CADM2: variants seen among roughly 807,000 people sequenced by gnomAD.
The protein encoded by CADM2 is cell adhesion molecule 2.
In CADM2, 12 loss-of-function variants were observed where a neutral mutation model predicts 49.8. That is an observed-to-expected ratio of 0.24 (90% confidence interval 0.15 to 0.39). The LOEUF (loss-of-function observed/expected upper bound fraction) is 0.39, where lower values mean the gene tolerates loss of function less well. Ranked by LOEUF, CADM2 falls within the 10% of genes least tolerant of loss-of-function variation. CADM2 has a pLI of 1.00. For missense variants in CADM2, 378 were observed against 492.3 expected (o/e 0.77, Z 2.20); for synonymous variants, 214 against 175.4 (o/e 1.22, Z -1.74).
intron 1 of CADM2, among the ~76,000 whole-genome samples, chr3:85,370,979 C>A (rs927432609): frequency 1.4e-5 from 2 of 147,920 alleles, no homozygotes; most frequent in African/African-American, 5.0e-5. Context: ...TAGAAATAAG[C>A]TTACAGAATA....
chr3:85,062,068 TCTCA>T (rs2036347502), intron 1 of CADM2, among the ~76,000 whole-genome samples: 1 of 151,596 alleles, frequency 6.6e-6, no homozygotes, highest in Non-Finnish European at 1.5e-5. Context: ...TCTGTCTCTC[TCTCA>T]CTCATACACA....
At chr3:85,876,682 A>G (rs940935618) in intron 3 of CADM2, among the ~76,000 whole-genome samples, 1 of 152,182 alleles carries the variant, frequency 6.6e-6, no homozygotes, top group East Asian at 1.9e-4. Context: ...AGCAAGGAGT[A>G]TGTGATCACC....
chr3:85,055,622 T>C (rs762217938), intron 1 of CADM2, among the ~76,000 whole-genome samples: 9 of 152,092 alleles, frequency 5.9e-5, no homozygotes, highest in Non-Finnish European at 1.0e-4. Flanking sequence ...TCACTGGTTG[T>C]CCTCTGCAGC....
At chr3:85,070,549 T>C (rs1395022174) in intron 1 of CADM2, among the ~76,000 whole-genome samples, 1 of 151,036 alleles carries the variant, frequency 6.6e-6, no homozygotes, top group Non-Finnish European at 1.5e-5. Context: ...TTTATTTCTA[T>C]GTGTGTAGAA....
chr3:85,999,271 T>TGCG (rs1729835872), intron 8 of CADM2, among the ~76,000 whole-genome samples: 2 of 143,236 alleles, frequency 1.4e-5, no homozygotes, highest in Admixed American at 1.4e-4. Context: ...GGCCGAGGGT[T>TGCG]GGGGGGTGGA....
chr3:85,268,464 C>A (rs2043168076), intron 1 of CADM2, among the ~76,000 whole-genome samples: 1 of 151,220 alleles, frequency 6.6e-6, no homozygotes, highest in Non-Finnish European at 1.5e-5. Context: ...TAATTCCTGA[C>A]AATCAGGAGG....
intron 8 of CADM2, among the ~76,000 whole-genome samples, chr3:86,036,344 G>T (rs188617420): frequency 6.6e-6 from 1 of 151,978 alleles, no homozygotes; most frequent in South Asian, 2.1e-4. Context: ...AATAACTTTT[G>T]CAGGAACTTG....
intron 1 of CADM2, among the ~76,000 whole-genome samples, chr3:85,307,972 A>C (rs977242374): frequency 6.6e-6 from 1 of 151,524 alleles, no homozygotes; most frequent in Non-Finnish European, 1.5e-5. Context: ...AATTTTTAAA[A>C]AAGGTTTAAA....
intron 1 of CADM2, among the ~76,000 whole-genome samples, chr3:84,970,542 C>T (rs566852327): frequency 1.5e-4 from 23 of 151,876 alleles, no homozygotes; most frequent in Non-Finnish European, 2.7e-4. Flanking sequence ...TGTTTCATGA[C>T]TCTTAGCATT....
At chr3:85,531,900 A>G (rs1309485867) in intron 1 of CADM2, among the ~76,000 whole-genome samples, 4 of 152,138 alleles carry the variant, frequency 2.6e-5, no homozygotes, top group African/African-American at 9.7e-5. Context: ...AAAAAAGTCC[A>G]GGTGCGGTGG....
intron 1 of CADM2, among the ~76,000 whole-genome samples, chr3:85,422,018 A>C (rs2036195016): frequency 6.6e-6 from 1 of 152,210 alleles, no homozygotes; most frequent in Non-Finnish European, 1.5e-5. Context: ...TCCCGAAGGG[A>C]TTGACATTGG....
chr3:85,765,740 A>G (rs933003083), intron 2 of CADM2, among the ~76,000 whole-genome samples: 2 of 151,592 alleles, frequency 1.3e-5, no homozygotes, highest in Admixed American at 6.6e-5. Context: ...CTCTCCTCCT[A>G]TTTCATTGAG....
intron 1 of CADM2, among the ~76,000 whole-genome samples, chr3:85,328,062 T>C (rs1039279024): frequency 6.6e-6 from 1 of 152,236 alleles, no homozygotes; most frequent in Non-Finnish European, 1.5e-5. Flanking sequence ...AATTGTCTTC[T>C]AGTTGTCATT....
intron 2 of CADM2, among the ~76,000 whole-genome samples, chr3:85,771,501 G>A (rs1205990262): frequency 4.0e-5 from 6 of 151,866 alleles, no homozygotes; most frequent in Non-Finnish European, 7.4e-5. Flanking sequence ...GATATTATTC[G>A]TACTATACTT....
At chr3:85,651,033 C>T (rs1017430816) in intron 1 of CADM2, among the ~76,000 whole-genome samples, 7 of 151,014 alleles carry the variant, frequency 4.6e-5, no homozygotes, top group Admixed American at 4.0e-4. Flanking sequence ...CCACCTAGGT[C>T]AAGTTCATGG....
chr3:85,386,758 A>T (rs1463088246), intron 1 of CADM2, among the ~76,000 whole-genome samples: 1 of 152,202 alleles, frequency 6.6e-6, no homozygotes, highest in African/African-American at 2.4e-5. Flanking sequence ...TTACTACTAA[A>T]GTGTGAGAAT....
chr3:85,250,454 G>A (rs1374349216), intron 1 of CADM2, among the ~76,000 whole-genome samples: 1 of 151,048 alleles, frequency 6.6e-6, no homozygotes, highest in East Asian at 1.9e-4. Context: ...TAAAATATTG[G>A]TGTTCTTCAA....
chr3:85,726,688 A>G, intron 2 of CADM2, 140 bp downstream of exon 2: 1 of 534,442 alleles, frequency 1.9e-6, no homozygotes, highest in Non-Finnish European at 3.3e-6. Flanking sequence ...ATTCCTACAA[A>G]TACAAATATC....
intron 3 of CADM2, among the ~76,000 whole-genome samples, chr3:85,823,935 C>T (rs1179917117): frequency 2.0e-5 from 3 of 151,832 alleles, no homozygotes; most frequent in Non-Finnish European, 2.9e-5. Flanking sequence ...AGCCCATCCG[C>T]GAGATTAGAG....
Sources: gnomAD v4.1 joint callset for allele counts (sites outside exome capture counted in the v4.1 genomes callset) on GRCh38, gnomAD v4.1.1 for gene constraint, MANE v1.5 for transcripts, NCBI Gene and HGNC (gene_info 2026-07-23, HGNC 2026-07-21) for gene names.